The following P2RX7 variants were observed in gnomAD, a reference collection of about 807,000 sequenced individuals.
P2RX7 encodes P2X purinoceptor 7.
Under a neutral mutation model 71.6 loss-of-function variants are expected in P2RX7, and 62 were observed. The observed-to-expected ratio is 0.87, with a 90% CI of 0.71 to 1.07. The LOEUF is 1.07. Among genes scored for constraint, P2RX7 ranks in the 50% least tolerant of loss-of-function variants. The probability of loss-of-function intolerance (pLI) is 0.00; values close to 1 mark genes in which losing one functional copy is unlikely to be tolerated. For missense variants in P2RX7, 686 were observed against 748.5 expected (o/e 0.92, Z 0.97); for synonymous variants, 299 against 283.3 (o/e 1.06, Z -0.56).
rs967239107 is a variant in P2RX7, at chr12:121,169,494, C to T, written c.881+1870C>T. 3.9e-5 allele frequency among the ~76,000 whole-genome samples: 6 copies of T among 152,264 alleles called. No homozygotes were observed. The East Asian group carries it at 1.2e-3, about 29-fold the overall frequency. On this transcript the variant is annotated intron_variant, in intron 8 of 12. Coordinates refer to ENST00000328963, the MANE Select transcript of P2RX7 (RefSeq NM_002562.6). ...GATCTTATGCAAAGTTCTGCATGTGCTGTGTGTTATGGAGTATTCCTTATA... is the reference window on the plus strand; with the variant it reads ...GATCTTATGCAAAGTTCTGCATGTGTTGTGTGTTATGGAGTATTCCTTATA...
intron 11 of P2RX7, among the ~76,000 whole-genome samples, chr12:121,178,579 G>A (rs2136150245): frequency 6.6e-6 from 1 of 152,244 alleles, no homozygotes; most frequent in East Asian, 1.9e-4. Flanking sequence ...ATCACTTGAG[G>A]TCAAGAGTTC....
intron 2 of P2RX7, among the ~76,000 whole-genome samples, chr12:121,155,734 C>G (rs1878439440): frequency 6.6e-6 from 1 of 151,994 alleles, no homozygotes; most frequent in African/African-American, 2.4e-5. Flanking sequence ...GAAGGCTGCT[C>G]CCCTACCCTC....
In P2RX7 at chr12:121,145,188, G is replaced by A. The variant is rs765089216; in HGVS notation, c.126-9597G>A. Among the ~76,000 whole-genome samples, 14 of 152,288 alleles carry A rather than the reference G, an allele frequency of 9.2e-5. 1 individual carries two copies. The highest frequency in any genetic ancestry group is 5.2e-4 in the Admixed American group (8 of 15,290). On this transcript the variant is annotated intron_variant, in intron 1 of 12. Transcript: ENST00000328963. ...GTGCTAACCTTTAAGGCGTGGGAGC[G>A]CAGAAGTCCCCAAAAGATTCTGAGG... is the stretch of plus-strand genomic sequence containing the variant.
In P2RX7 at chr12:121,165,402, G is replaced by A. The variant is rs760748112; in HGVS notation, c.579G>A (p.Lys193=). 6.2e-7 allele frequency: 1 copy of A among 1,614,066 alleles called. No individual in the cohort carries two copies. Among genetic ancestry groups the A allele is most frequent in the South Asian group, 1.1e-5 (1 of 91,076 alleles). Residue 193 remains lysine, a synonymous_variant, in exon 6 of 13, where the codon AAG becomes AAA. Coordinates refer to ENST00000328963, the MANE Select transcript of P2RX7 (RefSeq NM_002562.6). ...CCGAAAACTTCACTGTGCTCATCAA[G>A]AACAATATCGACTTCCCCGGCCACA... The part of the protein sequence containing the change: ...NSAENFTVLI[K]NNIDFPGHNY...
chr12:121,166,243 G>A (rs1880995025), intron 7 of P2RX7, 56 bp downstream of exon 7: 1 of 1,578,274 alleles, frequency 6.3e-7, no homozygotes, highest in Non-Finnish European at 8.6e-7. Flanking sequence ...GATGGAGGAT[G>A]TCAAACAGCC....
chr12:121,134,542 T>C (rs112260002), intron 1 of P2RX7, among the ~76,000 whole-genome samples: 5,273 of 152,174 alleles, frequency 0.035, 294 homozygotes, highest in African/African-American at 0.12. Context: ...CAGGTGTGCG[T>C]CACCACTCCT....
chr12:121,176,462 A>G (rs1883145289), intron 9 of P2RX7, among the ~76,000 whole-genome samples: 1 of 152,156 alleles, frequency 6.6e-6, no homozygotes, highest in Non-Finnish European at 1.5e-5. Flanking sequence ...AATAAAAACC[A>G]CAAGGCTGGG....
intron 1 of P2RX7, among the ~76,000 whole-genome samples, chr12:121,135,271 G>A (rs1873311368): frequency 6.6e-6 from 1 of 152,084 alleles, no homozygotes; most frequent in Admixed American, 6.6e-5. Flanking sequence ...CCCGGAGGCG[G>A]AGGTTGCAGT....
In P2RX7 at chr12:121,165,248, T is replaced by G. The variant is rs769738644; in HGVS notation, c.534-109T>G. The G allele has an allele frequency of 6.4e-6, 5 of 777,854 alleles. No homozygotes were observed. The East Asian group carries it at 9.8e-5, about 15-fold the overall frequency. 48.2% of individuals were successfully genotyped at this position (777,854 alleles called of 1,614,324 possible). A position where few individuals can be genotyped will look rare whatever the true frequency, so the allele number is the denominator to read the frequency against. ...GGTTTGCTGTATCCATTTCTCTTCA[T>G]GTATCCCAAAGACCAAGCCAAGAAA... On this transcript the variant is annotated intron_variant, in intron 5 of 12. Coordinates refer to ENST00000328963, the MANE Select transcript of P2RX7 (RefSeq NM_002562.6).
chr12:121,177,391 T>G lies in P2RX7; in HGVS notation c.1133T>G (p.Val378Gly), dbSNP rs1883337641. 1 of 1,613,776 alleles carries G rather than the reference T, an allele frequency of 6.2e-7. No homozygotes were observed. The highest frequency in any genetic ancestry group is 8.5e-7 in the Non-Finnish European group (1 of 1,180,032). Reference protein sequence around the residue: ...YPWCKCCQPCVVNEYYYRKKC... With the variant: ...YPWCKCCQPCGVNEYYYRKKC... ...TGGTGCAAGTGCTGTCAGCCCTGTGTGGTCAACGAATACTACTACAGGAAG... is the reference window on the plus strand; with the variant it reads ...TGGTGCAAGTGCTGTCAGCCCTGTGGGGTCAACGAATACTACTACAGGAAG... Residue 378 changes from valine to glycine, a missense_variant, in exon 11 of 13, where the codon GTG (valine) becomes GGG (glycine). Coordinates refer to ENST00000328963, the MANE Select transcript of P2RX7 (RefSeq NM_002562.6).
chr12:121,143,210 T>C (rs1294513970), intron 1 of P2RX7, among the ~76,000 whole-genome samples: 2 of 143,320 alleles, frequency 1.4e-5, no homozygotes, highest in East Asian at 2.1e-4. Context: ...ATGGTGAAAG[T>C]CTCTCTCTAC....
chr12:121,156,230 C>G (rs148700770), intron 3 of P2RX7, 83 bp downstream of exon 3: 4 of 1,128,542 alleles, frequency 3.5e-6, no homozygotes, highest in East Asian at 2.3e-5. Context: ...AAATGCGGAC[C>G]CTGGGGTGTA....
chr12:121,143,006 G>T (rs912797642), intron 1 of P2RX7, among the ~76,000 whole-genome samples: 3 of 151,676 alleles, frequency 2.0e-5, no homozygotes, highest in African/African-American at 7.3e-5. Context: ...TCTAGAACCT[G>T]GGAGGCAGAG....
rs1463040351 is a variant in P2RX7 at position 121,149,514 on chromosome 12, T to G, written c.126-5271T>G. The stretch of plus-strand genomic sequence containing the variant: ...CAACCAAGCAAAAGAAGAAACCTCT[T>G]ATAAAACCATCAGATCCCATGAGAC... On this transcript the variant is annotated intron_variant, in intron 1 of 12. Transcript: ENST00000328963. The surrounding 1 kb of genome is among the most constrained non-coding windows in gnomAD (Gnocchi z 4.7). Among the ~76,000 whole-genome samples the G allele has an allele frequency of 1.3e-5, 2 of 152,148 alleles. No homozygotes were observed. The highest frequency in any genetic ancestry group is 2.9e-5 in the Non-Finnish European group (2 of 68,018).
At chr12:121,168,064 C>T (rs56896451) in intron 8 of P2RX7, among the ~76,000 whole-genome samples, 4,840 of 152,062 alleles carry the variant, frequency 0.032, 257 homozygotes, top group African/African-American at 0.11. Context: ...TAACAACCCT[C>T]GGGGGAATTT....
chr12:121,179,876 G>A (rs543736885), intron 11 of P2RX7, among the ~76,000 whole-genome samples: 2 of 150,912 alleles, frequency 1.3e-5, no homozygotes, highest in South Asian at 2.1e-4. Context: ...TCCGCCTGGC[G>A]TGGTGGCTCA....
At chr12:121,171,335 A>G (rs1457798019) in intron 8 of P2RX7, among the ~76,000 whole-genome samples, 1 of 139,432 alleles carries the variant, frequency 7.2e-6, no homozygotes, top group African/African-American at 2.7e-5. Context: ...GGCCTTCTCC[A>G]CTGTGTCTCT....
At chr12:121,167,787 A>G (rs113142210) in intron 8 of P2RX7, among the ~76,000 whole-genome samples, 163 bp downstream of exon 8, 4,817 of 152,126 alleles carry the variant, frequency 0.032, 254 homozygotes, top group African/African-American at 0.11. Flanking sequence ...AAAATTCTCA[A>G]AAGAGATGCA....
chr12:121,165,727 C>T (rs961666898), intron 6 of P2RX7, among the ~76,000 whole-genome samples: 2 of 152,218 alleles, frequency 1.3e-5, no homozygotes, highest in Middle Eastern at 3.2e-3. Context: ...ACGTGAACCT[C>T]GCCCTAGACC....
Sources: allele counts gnomAD v4.1 joint callset (sites outside exome capture counted in the v4.1 genomes callset), GRCh38; gene constraint gnomAD v4.1.1; non-coding constraint Gnocchi (gnomAD v3.1); transcripts MANE v1.5; gene names NCBI Gene and HGNC (gene_info 2026-07-23, HGNC 2026-07-21).